The following RABGAP1L variants were observed in gnomAD, a reference collection of about 807,000 sequenced individuals.
RABGAP1L encodes the protein rab GTPase-activating protein 1-like.
RABGAP1L carries 63 observed loss-of-function variants against 137.7 expected under a neutral mutation model. The ratio of observed to expected loss-of-function variants is 0.46; its 90% CI spans 0.37 to 0.56. The LOEUF (loss-of-function observed/expected upper bound fraction) is 0.56. Ranked by LOEUF, RABGAP1L falls within the 20% of genes least tolerant of loss-of-function variation. The pLI is 0.00. For synonymous variants in RABGAP1L, 431 were observed against 433.7 expected, an observed-to-expected ratio of 0.99 and a Z score of 0.08; for missense variants, 1,095 against 1,244.0, an observed-to-expected ratio of 0.88 and a Z score of 1.80.
At chr1:174,480,077 T>C (rs1024594738) in intron 13 of RABGAP1L, among the ~76,000 whole-genome samples, 1 of 152,176 alleles carries the variant, frequency 6.6e-6, no homozygotes, top group African/African-American at 2.4e-5. Context: ...TCTAAAAGTA[T>C]GTCACTCAGT....
chr1:174,727,606 T>A (rs1682098037), intron 17 of RABGAP1L, among the ~76,000 whole-genome samples: 1 of 152,236 alleles, frequency 6.6e-6, no homozygotes, highest in Non-Finnish European at 1.5e-5. Context: ...TCTGGTATTC[T>A]ATTGCATGGT....
chr1:174,374,245 T>C (rs1011603038), intron 12 of RABGAP1L, among the ~76,000 whole-genome samples: 1 of 152,196 alleles, frequency 6.6e-6, no homozygotes, highest in Admixed American at 6.5e-5. Context: ...TGGACCTCCA[T>C]GCATCATAGA....
At chr1:174,874,581 T>C in intron 19 of RABGAP1L, 1 of 112,428 alleles carries the variant, frequency 8.9e-6, no homozygotes, top group Non-Finnish European at 1.2e-5. Context: ...CCACTGCCTT[T>C]TTTTTTTTTT....
chr1:174,402,390 A>G (rs1190553045), intron 13 of RABGAP1L, among the ~76,000 whole-genome samples: 2 of 152,192 alleles, frequency 1.3e-5, no homozygotes, highest in African/African-American at 4.8e-5. Flanking sequence ...TCTCATTTCT[A>G]TATACTGTTC....
At chr1:174,159,685 A>G (rs1040888908) in intron 1 of RABGAP1L, 28 bp downstream of exon 1, 1 of 152,318 alleles carries the variant, frequency 6.6e-6, no homozygotes, top group African/African-American at 2.4e-5. Flanking sequence ...TCCTAGGGAC[A>G]CGAGGGCGGC....
At chr1:174,834,426 GA>G (rs67502774) in intron 19 of RABGAP1L, among the ~76,000 whole-genome samples, 2,571 of 129,606 alleles carry the variant, frequency 0.02, 32 homozygotes, top group South Asian at 0.036. Context: ...AACTCCGTCT[GA>G]AAAAAAAAAA....
At chr1:174,632,915 G>T (rs2148321213) in intron 13 of RABGAP1L, among the ~76,000 whole-genome samples, 1 of 152,036 alleles carries the variant, frequency 6.6e-6, no homozygotes, top group East Asian at 1.9e-4. Context: ...TCTCCATCCG[G>T]CTTTGTTCCG....
At chr1:174,624,646 A>C (rs1672807760) in intron 13 of RABGAP1L, among the ~76,000 whole-genome samples, 1 of 152,162 alleles carries the variant, frequency 6.6e-6, no homozygotes, top group Non-Finnish European at 1.5e-5. Flanking sequence ...TATTGGAATC[A>C]TTTTTGGCAA....
chr1:174,635,885 C>G (rs1181757316), intron 13 of RABGAP1L, among the ~76,000 whole-genome samples: 4 of 152,142 alleles, frequency 2.6e-5, no homozygotes, highest in Non-Finnish European at 4.4e-5. Context: ...TACTTCGCAG[C>G]TATCAAGAGA....
In RABGAP1L at chr1:174,643,322, A is replaced by G. The variant is rs139725184; in HGVS notation, c.1824+5834A>G. Among the ~76,000 whole-genome samples, 33 of 152,256 alleles carry G rather than the reference A, an allele frequency of 2.2e-4. No individual in the cohort carries two copies. The East Asian group carries it at 4.8e-3, about 22-fold the overall frequency. On this transcript the variant is annotated intron_variant, in intron 14 of 25. Coordinates refer to ENST00000681986, the MANE Select transcript of RABGAP1L (RefSeq NM_001366446.1). The stretch of plus-strand genomic sequence containing the variant: ...TTTTTCTATTCTCTGTGTATCTCCT[A>G]TCTCTCCCTTGATTTCCTAGTAAGC...
intron 18 of RABGAP1L, among the ~76,000 whole-genome samples, chr1:174,752,955 G>C (rs1348807049): frequency 2.0e-5 from 3 of 152,150 alleles, no homozygotes; most frequent in Non-Finnish European, 2.9e-5. Flanking sequence ...GCTGGTTTTT[G>C]TCCTTCAGTC....
At chr1:174,189,296 C>T (rs774199688) in intron 1 of RABGAP1L, among the ~76,000 whole-genome samples, 3 of 152,188 alleles carry the variant, frequency 2.0e-5, no homozygotes, top group Non-Finnish European at 2.9e-5. Context: ...TGAGCCACGA[C>T]GCCCGGCAGA....
At chr1:174,896,103 T>A (rs554810063) in intron 19 of RABGAP1L, among the ~76,000 whole-genome samples, 2 of 152,356 alleles carry the variant, frequency 1.3e-5, no homozygotes, top group East Asian at 3.8e-4. Flanking sequence ...CTCTAGCACC[T>A]GTTGTTTCCT....
At chr1:174,760,492 C>G (rs911499953) in intron 18 of RABGAP1L, among the ~76,000 whole-genome samples, 1 of 152,212 alleles carries the variant, frequency 6.6e-6, no homozygotes, top group Non-Finnish European at 1.5e-5. Context: ...CATGCTGCTG[C>G]AAAGGACATG....
chr1:174,555,541 A>C lies in RABGAP1L; in HGVS notation c.1711-81834A>C, dbSNP rs200871248. On this transcript the variant is annotated intron_variant, in intron 13 of 25. Transcript: ENST00000681986. ...CAAGAAAAATGTATGTCCCCCCCCC[A>C]AAAAAAATGTATGTTCCCTTTCTTT... Among the ~76,000 whole-genome samples, 142 of 134,902 alleles carry C rather than the reference A, an allele frequency of 1.1e-3. 1 individual carries two copies. Among genetic ancestry groups the C allele is most frequent in the East Asian group, 6.0e-3 (31 of 5,154 alleles). The allele number at this position is 134,902 out of a possible 152,430, so 88.5% of individuals were successfully genotyped here.
rs540914709 is a variant in RABGAP1L at position 174,187,795 on chromosome 1, T to C, written c.-34+28138T>C. 5.2e-4 allele frequency among the ~76,000 whole-genome samples: 79 copies of C among 152,280 alleles called. 2 individuals are homozygous for C. The highest frequency in any genetic ancestry group is 2.0e-3 in the Admixed American group (30 of 15,296). ...AGGTCATAGGCACTATTATTAATAATTATAGAATTGTTTTCCTCTAAATTA... is the reference window on the plus strand; with the variant it reads ...AGGTCATAGGCACTATTATTAATAACTATAGAATTGTTTTCCTCTAAATTA... On this transcript the variant is annotated intron_variant, in intron 1 of 25. Coordinates refer to ENST00000681986, the MANE Select transcript of RABGAP1L (RefSeq NM_001366446.1).
intron 19 of RABGAP1L, among the ~76,000 whole-genome samples, chr1:174,874,148 TTTTC>T (rs1652672047): frequency 6.6e-6 from 1 of 152,202 alleles, no homozygotes; most frequent in African/African-American, 2.4e-5. Flanking sequence ...TTCATAAACA[TTTTC>T]TTAATAAGAT....
At chr1:174,239,478 A>G (rs1041145267) in intron 4 of RABGAP1L, among the ~76,000 whole-genome samples, 10 of 152,064 alleles carry the variant, frequency 6.6e-5, no homozygotes, top group African/African-American at 1.9e-4. Context: ...TGATTTTCCA[A>G]TGCTTTTTGT....
intron 4 of RABGAP1L, among the ~76,000 whole-genome samples, chr1:174,240,798 A>G (rs1671743967): frequency 6.6e-6 from 1 of 152,192 alleles, no homozygotes; most frequent in Non-Finnish European, 1.5e-5. Flanking sequence ...ATAATTGAAA[A>G]AGACTAGATT....
Sources: allele counts gnomAD v4.1 joint callset (sites outside exome capture counted in the v4.1 genomes callset), GRCh38; gene constraint gnomAD v4.1.1; transcripts MANE v1.5; gene names NCBI Gene and HGNC (gene_info 2026-07-23, HGNC 2026-07-21).